Variants in LHFPL3 observed in about 807,000 individuals in gnomAD.
LHFPL3 encodes LHFPL tetraspan subfamily member 3 protein.
LHFPL3 carries 5 observed loss-of-function variants against 19.3 expected under a neutral mutation model. The ratio of observed to expected loss-of-function variants is 0.26; its 90% CI spans 0.14 to 0.54. LHFPL3 has a LOEUF of 0.54. Ranked by LOEUF, LHFPL3 falls within the 20% of genes least tolerant of loss-of-function variation. The probability of loss-of-function intolerance (pLI) is 0.94; values close to 1 mark genes in which losing one functional copy is unlikely to be tolerated. For synonymous variants in LHFPL3, 133 were observed against 126.2 expected (o/e 1.05, Z -0.36); for missense variants, 249 against 307.4 (o/e 0.81, Z 1.42).
At chr7:104,715,952 G>A (rs1793377211) in intron 1 of LHFPL3, among the ~76,000 whole-genome samples, 1 of 152,136 alleles carries the variant, frequency 6.6e-6, no homozygotes, top group Non-Finnish European at 1.5e-5. Context: ...TTTTGGATAA[G>A]TTTGAGAAGG....
chr7:104,435,432 G>A (rs10273121), intron 1 of LHFPL3, among the ~76,000 whole-genome samples: 30,779 of 150,692 alleles, frequency 0.2, 3,576 homozygotes, highest in Admixed American at 0.33. Context: ...ATCACACCAA[G>A]CCTTTATTTA....
chr7:104,434,766 A>G (rs1792070614), intron 1 of LHFPL3, among the ~76,000 whole-genome samples: 3 of 152,198 alleles, frequency 2.0e-5, no homozygotes, highest in African/African-American at 7.2e-5. Context: ...AGGTAACTCC[A>G]CTAAATCACA....
intron 1 of LHFPL3, among the ~76,000 whole-genome samples, chr7:104,344,800 G>A (rs1322954554): frequency 6.6e-6 from 1 of 152,156 alleles, no homozygotes; most frequent in African/African-American, 2.4e-5. Flanking sequence ...GGGTTTGCTG[G>A]ATCAAATGGT....
At chr7:104,566,305 C>T (rs1244006314) in intron 1 of LHFPL3, among the ~76,000 whole-genome samples, 2 of 152,102 alleles carry the variant, frequency 1.3e-5, no homozygotes, top group Non-Finnish European at 2.9e-5. Flanking sequence ...GAGTCGTAAC[C>T]ACATCACTAC....
At position 104,561,098 on chromosome 7, in the gene LHFPL3, C is replaced by A. The variant is rs554950128; in HGVS notation, c.446-175577C>A. ...ACATTTCCTGAGGAGAGCTTTACTT[C>A]CCAGTATGTGGTCAATTTTGGAATA... On this transcript the variant is annotated intron_variant, in intron 1 of 2. Transcript: ENST00000424859. 3.9e-5 allele frequency among the ~76,000 whole-genome samples: 6 copies of A among 152,034 alleles called. No homozygotes were observed. The South Asian group carries it at 8.3e-4, about 21-fold the overall frequency.
chr7:104,576,427 C>A (rs1790340443), intron 1 of LHFPL3, among the ~76,000 whole-genome samples: 1 of 152,126 alleles, frequency 6.6e-6, no homozygotes, highest in Admixed American at 6.6e-5. Flanking sequence ...ATTGTATGTT[C>A]ATTTTGAGTG....
rs1168574045 is a variant in LHFPL3, at chr7:104,841,491, GGGGTGT to G, written c.683-64694_683-64689del. 9.7e-4 allele frequency among the ~76,000 whole-genome samples: 137 copies of G among 141,918 alleles called. 1 individual carries two copies. Among genetic ancestry groups the G allele is most frequent in the South Asian group, 3.6e-3 (16 of 4,474 alleles). 93.1% of individuals were successfully genotyped at this position (141,918 alleles called of 152,430 possible). A position where few individuals can be genotyped will look rare whatever the true frequency, so the allele number is the denominator to read the frequency against. On this transcript the variant is annotated intron_variant, in intron 2 of 2. Coordinates refer to ENST00000424859, the MANE Select transcript of LHFPL3 (RefSeq NM_199000.3). ...CAATATGTATTACGATGCATTATGT[GGGGTGT>G]GTGTGTGTGTGTGTGTGTGTGTGTG...
At chr7:104,359,571 G>C (rs1226519357) in intron 1 of LHFPL3, among the ~76,000 whole-genome samples, 4 of 152,146 alleles carry the variant, frequency 2.6e-5, no homozygotes, top group African/African-American at 4.8e-5. Flanking sequence ...GCCATTCTTT[G>C]ACTATTCATG....
At chr7:104,902,404 G>GAGGAGGAGGGAGAGGAGA (rs1348477501) in intron 2 of LHFPL3, among the ~76,000 whole-genome samples, 1 of 151,744 alleles carries the variant, frequency 6.6e-6, no homozygotes, top group East Asian at 1.9e-4. Context: ...AGAGGAGGAA[G>GAGGAGGAGGGAGAGGAGA]AGGAGGAGGG....
chr7:104,345,622 T>G (rs1790050547), intron 1 of LHFPL3, among the ~76,000 whole-genome samples: 1 of 152,216 alleles, frequency 6.6e-6, no homozygotes. Flanking sequence ...TGTTAAAATA[T>G]TTACAAATAT....
intron 2 of LHFPL3, among the ~76,000 whole-genome samples, chr7:104,762,630 T>G (rs1794393520): frequency 6.6e-6 from 1 of 152,206 alleles, no homozygotes; most frequent in African/African-American, 2.4e-5. Flanking sequence ...CTGTGAAGAC[T>G]CAGCCCTAAA....
intron 2 of LHFPL3, among the ~76,000 whole-genome samples, chr7:104,793,149 G>C (rs897359318): frequency 6.6e-6 from 1 of 152,156 alleles, no homozygotes; most frequent in African/African-American, 2.4e-5. Flanking sequence ...GCCCACCTCG[G>C]CCTCCCAAAG....
At chr7:104,856,857 C>G (rs1428401965) in intron 2 of LHFPL3, among the ~76,000 whole-genome samples, 3 of 152,162 alleles carry the variant, frequency 2.0e-5, no homozygotes, top group Non-Finnish European at 4.4e-5. Flanking sequence ...TGTACATTAA[C>G]TGATCTTCAG....
chr7:104,660,453 G>A (rs1221274851), intron 1 of LHFPL3, among the ~76,000 whole-genome samples: 1 of 152,210 alleles, frequency 6.6e-6, no homozygotes, highest in Non-Finnish European at 1.5e-5. Context: ...CAGTCTGCAT[G>A]GGGGAAAGCA....
intron 1 of LHFPL3, among the ~76,000 whole-genome samples, chr7:104,575,515 A>T (rs1790312889): frequency 6.8e-6 from 1 of 147,012 alleles, no homozygotes; most frequent in South Asian, 2.2e-4. Flanking sequence ...TATTTTTAAT[A>T]TATGAGAAAT....
intron 2 of LHFPL3, among the ~76,000 whole-genome samples, chr7:104,762,911 C>T (rs556393234): frequency 6.6e-6 from 1 of 152,296 alleles, no homozygotes; most frequent in Non-Finnish European, 1.5e-5. Flanking sequence ...AGTCTGCATG[C>T]TAACCCAAGG....
intron 2 of LHFPL3, among the ~76,000 whole-genome samples, chr7:104,900,141 A>G (rs1435063771): frequency 6.6e-6 from 1 of 152,238 alleles, no homozygotes; most frequent in African/African-American, 2.4e-5. Flanking sequence ...CTTTCAACCT[A>G]TGTAAAATAT....
intron 1 of LHFPL3, among the ~76,000 whole-genome samples, chr7:104,591,520 C>G (rs1198545184): frequency 1.3e-5 from 2 of 152,146 alleles, no homozygotes; most frequent in Non-Finnish European, 2.9e-5. Context: ...GTGGGTAACC[C>G]GACCTTTCTC....
At chr7:104,437,396 C>T (rs1792130440) in intron 1 of LHFPL3, among the ~76,000 whole-genome samples, 2 of 152,152 alleles carry the variant, frequency 1.3e-5, no homozygotes, top group African/African-American at 2.4e-5. Context: ...AGTTTTCCCC[C>T]ACATCTCGAT....
Sources: allele counts gnomAD v4.1 joint callset (sites outside exome capture counted in the v4.1 genomes callset), GRCh38; gene constraint gnomAD v4.1.1; transcripts MANE v1.5; gene names NCBI Gene and HGNC (gene_info 2026-07-23, HGNC 2026-07-21).